TDRD15: variants seen among roughly 807,000 people sequenced by gnomAD.
TDRD15 encodes the protein tudor domain-containing protein 15.
For synonymous variants in TDRD15, 503 were observed against 314.5 expected (o/e 1.60, Z -6.34); for missense variants, 1,416 against 904.7 (o/e 1.57, Z -7.25).
rs1665950356 is a variant in TDRD15 at position 21,142,243 on chromosome 2, T to C, written c.4776T>C (p.His1592=). ...LAKSKNTLKW[H]RSKVEEKYVD... is the part of the protein sequence containing the mutation. Reference sequence around the variant, plus strand: ...AATCTAAAAATACCTTGAAATGGCATCGATCAAAAGTAGAAGAAAAGTATG... The same window carrying C: ...AATCTAAAAATACCTTGAAATGGCACCGATCAAAAGTAGAAGAAAAGTATG... Residue 1592 remains histidine, a synonymous_variant, in exon 4 of 4, where the codon CAT becomes CAC. Coordinates refer to ENST00000405799, the MANE Select transcript of TDRD15 (RefSeq NM_001306137.2). 1.4e-6 allele frequency: 1 copy of C among 699,264 alleles called. No individual in the cohort carries two copies. Among genetic ancestry groups the C allele is most frequent in the Non-Finnish European group, 2.6e-6 (1 of 379,770 alleles). The allele number at this position is 699,264 out of a possible 1,614,324, so 43.3% of individuals were successfully genotyped here. A position where few individuals can be genotyped will look rare whatever the true frequency, so the allele number is the denominator to read the frequency against.
chr2:21,131,916 C>T (rs997672452), intron 2 of TDRD15, among the ~76,000 whole-genome samples: 1 of 152,002 alleles, frequency 6.6e-6, no homozygotes, highest in African/African-American at 2.4e-5. Context: ...GGTTTGAGAA[C>T]CACTAGTTTA....
rs954168081 is a variant in TDRD15, at chr2:21,144,073, A to G, written c.*801A>G. On this transcript the variant is annotated 3_prime_UTR_variant, in exon 4 of 4. Transcript: ENST00000405799. ...TCATTTTTCTGTTATATATAGTTTT[A>G]TATCATATGAAATGTCTTTAGGTTT... Among the ~76,000 whole-genome samples, 1 of 151,738 alleles carries G rather than the reference A, an allele frequency of 6.6e-6. No homozygotes were observed. The highest frequency in any genetic ancestry group is 2.4e-5 in the African/African-American group (1 of 41,406).
chr2:21,139,724 A>G lies in TDRD15; in HGVS notation c.2257A>G (p.Arg753Gly), dbSNP rs1217081667. The part of the protein sequence containing the change: ...SSWPYKEYIF[R>G]PGTVLEVKCS... The stretch of plus-strand genomic sequence containing the variant: ...CTGGCCTTATAAAGAATATATTTTT[A>G]GACCAGGAACAGTTCTTGAAGTTAA... Residue 753 changes from arginine (R) to glycine (G), a missense_variant, in exon 4 of 4, where the codon AGA (arginine) becomes GGA (glycine). Transcript: ENST00000405799. 2.8e-6 allele frequency: 2 copies of G among 715,434 alleles called. No individual in the cohort carries two copies. Among genetic ancestry groups the G allele is most frequent in the Admixed American group, 4.0e-5 (2 of 49,838 alleles). The allele number at this position is 715,434 out of a possible 1,614,324, so 44.3% of individuals were successfully genotyped here.
chr2:21,138,877 T>G lies in TDRD15; in HGVS notation c.1410T>G (p.Gly470=). Residue 470 remains glycine, a synonymous_variant, in exon 4 of 4, where the codon GGT becomes GGG. Coordinates refer to ENST00000405799, the MANE Select transcript of TDRD15 (RefSeq NM_001306137.2). ...SLNKKGILKV[G]FPIKTVQMEI... ...ATAAAAAAGGCATTTTAAAAGTAGG[T>G]TTTCCCATTAAAACAGTACAAATGG... is the stretch of plus-strand genomic sequence containing the variant. 1.4e-6 allele frequency: 1 copy of G among 715,618 alleles called. No individual in the cohort carries two copies. The highest frequency in any genetic ancestry group is 2.6e-6 in the Non-Finnish European group (1 of 384,012). The allele number at this position is 715,618 out of a possible 1,614,324, so 44.3% of individuals were successfully genotyped here. A position where few individuals can be genotyped will look rare whatever the true frequency, so the allele number is the denominator to read the frequency against.
rs1248948099 is a variant in TDRD15 at position 21,141,202 on chromosome 2, T to C, written c.3735T>C (p.Ile1245=). The change falls in exon 4 of 4, where the codon ATT becomes ATC. Residue 1245 remains isoleucine (I), a synonymous_variant. Transcript: ENST00000405799. ...AAATTGTCCCTGGAGCTGCACATATTCTTGAGAACAGGCGTGTGGGCCAAA... is the reference window on the plus strand; with the variant it reads ...AAATTGTCCCTGGAGCTGCACATATCCTTGAGAACAGGCGTGTGGGCCAAA... ...GIKIVPGAAH[I]LENRRVGQKS... is the part of the protein sequence containing the mutation. 1.4e-6 allele frequency: 1 copy of C among 714,616 alleles called. No individual in the cohort carries two copies. The highest frequency in any genetic ancestry group is 2.6e-6 in the Non-Finnish European group (1 of 383,740). 44.3% of individuals were successfully genotyped at this position (714,616 alleles called of 1,614,324 possible).
chr2:21,124,817 GGT>G (rs70939068), intron 1 of TDRD15, among the ~76,000 whole-genome samples: 74,569 of 113,674 alleles, frequency 0.66, 24,796 homozygotes, highest in East Asian at 0.96. Context: ...CTAATGCCAG[GGT>G]GTGTGTGTGT....
At position 21,129,370 on chromosome 2, in the gene TDRD15, G is replaced by A. The variant is rs560435420; in HGVS notation, c.-90+1659G>A. ...CTAATTTGTCTACATTCTTGCTAACGCTTGTAATTGTTTGGTTTTTAAAAT... is the reference window on the plus strand; with the variant it reads ...CTAATTTGTCTACATTCTTGCTAACACTTGTAATTGTTTGGTTTTTAAAAT... On this transcript the variant is annotated intron_variant, in intron 2 of 3. Transcript: ENST00000405799. Among the ~76,000 whole-genome samples, 18 of 152,284 alleles carry A rather than the reference G, an allele frequency of 1.2e-4. No individual in the cohort carries two copies. In the East Asian group the frequency reaches 3.5e-3, roughly 29 times the overall value.
intron 3 of TDRD15, 22 bp from the exon 4 acceptor site, chr2:21,137,443 G>A (rs1351968598): frequency 6.6e-6 from 4 of 607,536 alleles, no homozygotes; most frequent in Non-Finnish European, 1.2e-5. Context: ...TAGCTAATGA[G>A]TAATTATTAT....
rs1383982007 is a variant in TDRD15 at position 21,138,843 on chromosome 2, A to T, written c.1376A>T (p.Asp459Val). The T allele has an allele frequency of 1.4e-6, 1 of 714,858 alleles. No homozygotes were observed. The highest frequency in any genetic ancestry group is 1.8e-5 in the African/African-American group (1 of 57,048). 44.3% of individuals were successfully genotyped at this position (714,858 alleles called of 1,614,324 possible). A position where few individuals can be genotyped will look rare whatever the true frequency, so the allele number is the denominator to read the frequency against. Reference protein sequence around the residue: ...SFMGNIEWSIDSLNKKGILKV... With the variant: ...SFMGNIEWSIVSLNKKGILKV... ...ATGGGAAATATTGAATGGTCAATAG[A>T]CTCTCTAAATAAAAAAGGCATTTTA... Residue 459 changes from aspartate (D) to valine (V), a missense_variant, in exon 4 of 4, where the codon GAC becomes GTC. Coordinates refer to ENST00000405799, the MANE Select transcript of TDRD15 (RefSeq NM_001306137.2).
At chr2:21,133,359 C>CTTGT (rs1285847073) in intron 2 of TDRD15, among the ~76,000 whole-genome samples, 4 of 151,952 alleles carry the variant, frequency 2.6e-5, no homozygotes, top group African/African-American at 9.7e-5. Context: ...TGGTGCTTTG[C>CTTGT]TTGTTTGTTT....
rs1474645085 is a variant in TDRD15 at position 21,138,757 on chromosome 2, C to T, written c.1290C>T (p.Ile430=). ...QVLCPMSDSK[I]SNILSETSVS... The stretch of plus-strand genomic sequence containing the variant: ...TTTGTCCGATGTCTGATTCAAAAAT[C>T]TCCAATATCTTGAGTGAGACAAGTG... The change falls in exon 4 of 4, where the codon ATC becomes ATT. Residue 430 remains isoleucine, a synonymous_variant. Transcript: ENST00000405799. 2 of 715,640 alleles carry T rather than the reference C, an allele frequency of 2.8e-6. No homozygotes were observed. The highest frequency in any genetic ancestry group is 2.3e-4 in the Middle Eastern group (1 of 4,344). 44.3% of individuals were successfully genotyped at this position (715,640 alleles called of 1,614,324 possible).
At chr2:21,127,869 T>C (rs74582026) in intron 2 of TDRD15, among the ~76,000 whole-genome samples, 158 bp downstream of exon 2, 2,578 of 152,346 alleles carry the variant, frequency 0.017, 72 homozygotes, top group East Asian at 0.15. Flanking sequence ...ATGTCAGTTC[T>C]GTAGGTGACT....
intron 3 of TDRD15, among the ~76,000 whole-genome samples, chr2:21,135,972 A>G (rs1665799303): frequency 6.6e-6 from 1 of 151,992 alleles, no homozygotes; most frequent in Non-Finnish European, 1.5e-5. Context: ...TGTTTAATGA[A>G]GGAGATCTTC....
Position 21,143,331 on chromosome 2 carries a change from A to C in TDRD15, c.*59A>C, listed in dbSNP as rs1381468058. On this transcript the variant is annotated 3_prime_UTR_variant, in exon 4 of 4. Coordinates refer to ENST00000405799, the MANE Select transcript of TDRD15 (RefSeq NM_001306137.2). ...TCAAAATTGTTACAAAAAACAAAAT[A>C]TAAATTTTACATACACTGAGAAACA... is the stretch of plus-strand genomic sequence containing the variant. 1 of 516,786 alleles carries C rather than the reference A, an allele frequency of 1.9e-6. No homozygotes were observed. Among genetic ancestry groups the C allele is most frequent in the East Asian group, 3.1e-5 (1 of 31,992 alleles). 32.0% of individuals were successfully genotyped at this position (516,786 alleles called of 1,614,324 possible).
chr2:21,142,215 C>T lies in TDRD15; in HGVS notation c.4748C>T (p.Ala1583Val). 1 of 691,232 alleles carries T rather than the reference C, an allele frequency of 1.4e-6. No homozygotes were observed. The highest frequency in any genetic ancestry group is 1.6e-5 in the South Asian group (1 of 61,838). 42.8% of individuals were successfully genotyped at this position (691,232 alleles called of 1,614,324 possible). A position where few individuals can be genotyped will look rare whatever the true frequency, so the allele number is the denominator to read the frequency against. The change falls in exon 4 of 4, where the codon GCA becomes GTA. Residue 1583 changes from alanine to valine, a missense_variant. By Grantham distance (64) the Ala-to-Val change is moderately conservative. Transcript: ENST00000405799. The part of the protein sequence containing the change: ...ESIEKGLECL[A>V]KSKNTLKWHR... ...ATTGAAAAAGGTTTAGAATGCTTGG[C>T]AAAATCTAAAAATACCTTGAAATGG...
chr2:21,135,352 C>T (rs74514637), intron 3 of TDRD15, among the ~76,000 whole-genome samples: 1 of 151,532 alleles, frequency 6.6e-6, no homozygotes, highest in Non-Finnish European at 1.5e-5. Context: ...ATTGTAGAGG[C>T]AGGTGAAAGA....
rs1362030699 is a variant in TDRD15, at chr2:21,141,294, A to G, written c.3827A>G (p.Tyr1276Cys). 2 of 714,402 alleles carry G rather than the reference A, an allele frequency of 2.8e-6. No individual in the cohort carries two copies. Among genetic ancestry groups the G allele is most frequent in the Admixed American group, 2.0e-5 (1 of 49,514 alleles). 44.3% of individuals were successfully genotyped at this position (714,402 alleles called of 1,614,324 possible). A position where few individuals can be genotyped will look rare whatever the true frequency, so the allele number is the denominator to read the frequency against. The change falls in exon 4 of 4, where the codon TAT becomes TGT. Residue 1276 changes from tyrosine to cysteine, a missense_variant. Physicochemically the swap from Tyr to Cys is radical, Grantham distance 194. Transcript: ENST00000405799. ...AATCAAACAACCTCACAAAACCCAT[A>G]TGACCTTATTAGGCCACAGATCAAA... ...ALNQTTSQNP[Y>C]DLIRPQIKDL...
In TDRD15 at chr2:21,137,826, G is replaced by A. The variant is rs1281070105; in HGVS notation, c.359G>A (p.Arg120Gln). ...GGCAATTTATTTGAGCTACCGCCAC[G>A]GGTAGTATTTGGTATTTTTGCGAAT... ...ACGNLFELPP[R>Q]VVFGIFANIL... The change falls in exon 4 of 4, where the codon CGG becomes CAG. Residue 120 changes from arginine to glutamine, a missense_variant. Arg to Gln is a conservative substitution (Grantham distance 43). Transcript: ENST00000405799. The A allele has an allele frequency of 7.0e-6, 5 of 716,210 alleles. No homozygotes were observed. 44.4% of individuals were successfully genotyped at this position (716,210 alleles called of 1,614,324 possible).
In TDRD15 at chr2:21,141,918, A is replaced by C; in HGVS notation, c.4451A>C (p.Gln1484Pro). The change falls in exon 4 of 4, where the codon CAG becomes CCG. Residue 1484 changes from glutamine to proline, a missense_variant. Coordinates refer to ENST00000405799, the MANE Select transcript of TDRD15 (RefSeq NM_001306137.2). ...KLQKSALQMPQVLSQKVRPGD... is the reference protein window; with the variant it reads ...KLQKSALQMPPVLSQKVRPGD... ...CAGAAGTCAGCATTGCAGATGCCTCAGGTTCTCTCTCAAAAGGTGAGGCCA... is the reference window on the plus strand; with the variant it reads ...CAGAAGTCAGCATTGCAGATGCCTCCGGTTCTCTCTCAAAAGGTGAGGCCA... The C allele has an allele frequency of 1.4e-6, 1 of 715,172 alleles. No individual in the cohort carries two copies. Among genetic ancestry groups the C allele is most frequent in the Admixed American group, 2.0e-5 (1 of 49,866 alleles). The allele number at this position is 715,172 out of a possible 1,614,324, so 44.3% of individuals were successfully genotyped here.
Sources: allele counts gnomAD v4.1 joint callset (sites outside exome capture counted in the v4.1 genomes callset), GRCh38; gene constraint gnomAD v4.1.1; transcripts MANE v1.5; gene names NCBI Gene and HGNC (gene_info 2026-07-23, HGNC 2026-07-21).